Variants in CPNE4 observed in about 807,000 individuals in gnomAD.
CPNE4 encodes the protein copine-4.
In CPNE4, 25 loss-of-function variants were observed where a neutral mutation model predicts 67.9. That is an observed-to-expected ratio of 0.37 (90% CI 0.27 to 0.51). The LOEUF is 0.51. Among genes scored for constraint, CPNE4 ranks in the 20% least tolerant of loss-of-function variants. CPNE4 has a pLI of 0.93. For missense variants in CPNE4, 464 were observed against 690.8 expected, an observed-to-expected ratio of 0.67 and a Z score of 3.68; for synonymous variants, 242 against 244.9, an observed-to-expected ratio of 0.99 and a Z score of 0.11.
At position 131,730,681 on chromosome 3, in the gene CPNE4, A is replaced by G. The variant is rs145998010; in HGVS notation, c.181-7056T>C. The stretch of plus-strand genomic sequence containing the variant: ...AACACAGGGAGAATGCCATGTGAAC[A>G]CAAAGGAAGAGAGCAGAGTGGTGCA... On this transcript the variant is annotated intron_variant, in intron 2 of 15. Transcript: ENST00000429747. Among the ~76,000 whole-genome samples the G allele has an allele frequency of 5.9e-5, 9 of 152,318 alleles. No homozygotes were observed. In the East Asian group the frequency reaches 1.7e-3, roughly 29 times the overall value.
chr3:131,754,559 T>C (rs1041417653), intron 2 of CPNE4, among the ~76,000 whole-genome samples: 1 of 152,182 alleles, frequency 6.6e-6, no homozygotes, highest in Non-Finnish European at 1.5e-5. Flanking sequence ...AACTAACTTT[T>C]CCCCCTGTGT....
chr3:131,691,443 G>A (rs1305359874), intron 5 of CPNE4, among the ~76,000 whole-genome samples: 1 of 152,156 alleles, frequency 6.6e-6, no homozygotes, highest in Admixed American at 6.6e-5. Context: ...ACTTAGCACG[G>A]CAATGGAAAA....
chr3:131,801,336 C>CAT (rs148213976), intron 2 of CPNE4, among the ~76,000 whole-genome samples: 19,766 of 122,620 alleles, frequency 0.16, 1,950 homozygotes, highest in East Asian at 0.33. Context: ...GGAAACCATA[C>CAT]ATATATATAT....
Position 131,723,558 on chromosome 3 carries a change from A to T in CPNE4, c.248T>A (p.Phe83Tyr). 6.2e-7 allele frequency: 1 copy of T among 1,614,142 alleles called. No homozygotes were observed. Among genetic ancestry groups the T allele is most frequent in the Admixed American group, 1.7e-5 (1 of 60,028 alleles). ...PVYSKLFTVDFYFEEVQRLRF... is the reference protein window; with the variant it reads ...PVYSKLFTVDYYFEEVQRLRF... Reference sequence around the variant, plus strand: ...CAGGCGCTGCACCTCCTCAAAGTAAAAGTCCACAGTAAACAGTTTTGAGTA... The same window carrying T: ...CAGGCGCTGCACCTCCTCAAAGTAATAGTCCACAGTAAACAGTTTTGAGTA... The change falls in exon 3 of 16, where the codon TTT (phenylalanine) becomes TAT (tyrosine). Residue 83 changes from phenylalanine to tyrosine, a missense_variant. Coordinates refer to ENST00000429747, the MANE Select transcript of CPNE4 (RefSeq NM_130808.3).
At chr3:131,885,152 G>A (rs781247179) in intron 2 of CPNE4, among the ~76,000 whole-genome samples, 1 of 152,114 alleles carries the variant, frequency 6.6e-6, no homozygotes, top group Admixed American at 6.5e-5. Context: ...GATAGTGATA[G>A]GAACAATAAG....
At chr3:131,810,656 C>T (rs1023658662) in intron 2 of CPNE4, among the ~76,000 whole-genome samples, 2 of 151,996 alleles carry the variant, frequency 1.3e-5, no homozygotes, top group Non-Finnish European at 2.9e-5. Context: ...ATAGATTTAC[C>T]ACCTGATCCA....
At chr3:131,940,216 T>A (rs553821313) in intron 1 of CPNE4, among the ~76,000 whole-genome samples, 2 of 152,130 alleles carry the variant, frequency 1.3e-5, no homozygotes, top group Non-Finnish European at 2.9e-5. Context: ...TGAAACTTTG[T>A]TTCCAACAAT....
chr3:131,578,801 G>A (rs189533659), intron 9 of CPNE4, among the ~76,000 whole-genome samples: 22 of 152,266 alleles, frequency 1.4e-4, no homozygotes, highest in Non-Finnish European at 2.8e-4. Flanking sequence ...ATTCTATGAA[G>A]GCTGAGAGAG....
At chr3:131,839,557 A>C (rs2085692941) in intron 2 of CPNE4, among the ~76,000 whole-genome samples, 1 of 151,832 alleles carries the variant, frequency 6.6e-6, no homozygotes, top group African/African-American at 2.4e-5. Context: ...TTTATATATC[A>C]ATATATTAAC....
intron 2 of CPNE4, among the ~76,000 whole-genome samples, chr3:131,798,903 A>T (rs987439773): frequency 1.3e-5 from 2 of 152,148 alleles, no homozygotes; most frequent in African/African-American, 2.4e-5. Context: ...TTCCATCTTC[A>T]CTTTTTAAAA....
intron 1 of CPNE4, among the ~76,000 whole-genome samples, chr3:131,942,459 TGTGTGAGAGAGAGAGA>T (rs1355049467): frequency 1.7e-3 from 94 of 56,384 alleles, no homozygotes; most frequent in Middle Eastern, 8.3e-3. Flanking sequence ...TGTGTGTGTG[TGTGTGAGAGAGAGAGA>T]GAGAGAGAGA....
chr3:131,698,233 C>CAAAAAAAAAAAAAAA (rs369274504), intron 4 of CPNE4, among the ~76,000 whole-genome samples: 131 of 64,366 alleles, frequency 2.0e-3, no homozygotes, highest in Middle Eastern at 0.013. Context: ...GGCTCTGTCT[C>CAAAAAAAAAAAAAAA]AAAAAAAAAA....
At chr3:131,668,370 C>T (rs2080315058) in intron 7 of CPNE4, among the ~76,000 whole-genome samples, 3 of 152,066 alleles carry the variant, frequency 2.0e-5, no homozygotes, top group Admixed American at 6.6e-5. Context: ...GTCCAGCTAC[C>T]CAGCTAACAC....
At chr3:131,545,836 G>A (rs1368296258) in intron 14 of CPNE4, among the ~76,000 whole-genome samples, 1 of 152,166 alleles carries the variant, frequency 6.6e-6, no homozygotes, top group Non-Finnish European at 1.5e-5. Flanking sequence ...GGCCTAGGTG[G>A]GCGGATCATG....
At chr3:131,586,391 T>G in intron 8 of CPNE4, among the ~76,000 whole-genome samples, 1 of 152,114 alleles carries the variant, frequency 6.6e-6, no homozygotes, top group Middle Eastern at 3.4e-3. Context: ...CCAGAAAGGG[T>G]GCATTATCAA....
intron 2 of CPNE4, among the ~76,000 whole-genome samples, chr3:131,896,700 C>T (rs189125842): frequency 2.3e-4 from 35 of 152,120 alleles, no homozygotes; most frequent in Admixed American, 3.9e-4. Flanking sequence ...GTCATTGCTC[C>T]ACTATCTTCT....
intron 2 of CPNE4, among the ~76,000 whole-genome samples, chr3:131,770,518 C>T (rs910914659): frequency 6.6e-6 from 1 of 152,176 alleles, no homozygotes; most frequent in African/African-American, 2.4e-5. Context: ...AGCTAGCAAC[C>T]AGGGGAGACA....
chr3:131,633,111 T>A (rs2079276054), intron 7 of CPNE4, among the ~76,000 whole-genome samples: 1 of 152,208 alleles, frequency 6.6e-6, no homozygotes, highest in Admixed American at 6.5e-5. Context: ...AAGATTTCTC[T>A]CTCCTGCACT....
intron 7 of CPNE4, among the ~76,000 whole-genome samples, chr3:131,630,837 T>C (rs533211663): frequency 6.6e-5 from 10 of 152,292 alleles, no homozygotes; most frequent in African/African-American, 2.4e-4. Context: ...TGAAATATAG[T>C]AGATGTAGAG....
Sources: gnomAD v4.1 joint callset for allele counts (sites outside exome capture counted in the v4.1 genomes callset) on GRCh38, gnomAD v4.1.1 for gene constraint, MANE v1.5 for transcripts, NCBI Gene and HGNC (gene_info 2026-07-23, HGNC 2026-07-21) for gene names.